The following IGSF10 variants were observed in gnomAD, a reference collection of about 807,000 sequenced individuals.
The protein encoded by IGSF10 is calvaria mechanical force protein 608.
Under a neutral mutation model 128.2 loss-of-function variants are expected in IGSF10, and 126 were observed. The observed-to-expected ratio is 0.98, with a 90% CI of 0.85 to 1.14. The LOEUF is 1.14. Among genes scored for constraint, IGSF10 ranks in the 50% most tolerant of loss-of-function variants. The pLI is 0.00. For synonymous variants in IGSF10, 1,185 were observed against 1,146.2 expected (o/e 1.03, Z -0.68); for missense variants, 3,295 against 3,149.8 (o/e 1.05, Z -1.10).
the IGSF10 span, among the ~76,000 whole-genome samples, chr3:151,518,061 G>T: frequency 6.6e-6 from 1 of 151,852 alleles, no homozygotes; most frequent in South Asian, 2.1e-4. Flanking sequence ...TGACCAAAAG[G>T]GGTAATTGTT....
the IGSF10 span, among the ~76,000 whole-genome samples, chr3:151,599,102 G>A: frequency 6.6e-6 from 1 of 152,162 alleles, no homozygotes; most frequent in Non-Finnish European, 1.5e-5. Context: ...AGGGATGAGT[G>A]CTGAGCAGTT....
the IGSF10 span, among the ~76,000 whole-genome samples, chr3:151,561,070 G>T: frequency 1.2e-4 from 18 of 152,006 alleles, no homozygotes; most frequent in African/African-American, 4.1e-4. Flanking sequence ...ATAAAATCTG[G>T]TTAGCATTTT....
chr3:151,535,317 C>T, the IGSF10 span, among the ~76,000 whole-genome samples: 4 of 152,270 alleles, frequency 2.6e-5, no homozygotes, highest in South Asian at 8.3e-4. Context: ...AGCAACATGG[C>T]TGCAGCTGGA....
At chr3:151,435,791 G>GGATT (rs1291499772), downstream of IGSF10, 2 of 151,906 alleles carry the variant, frequency 1.3e-5, no homozygotes, top group Non-Finnish European at 2.9e-5. Flanking sequence ...ATTTTGTGTA[G>GGATT]GATTGATCAG....
At chr3:151,510,473 CCAT>C in the IGSF10 span, among the ~76,000 whole-genome samples, 1 of 152,064 alleles carries the variant, frequency 6.6e-6, no homozygotes, top group Admixed American at 6.6e-5. Flanking sequence ...CTGTACGTCA[CCAT>C]CAAAGACCAA....
chr3:151,529,181 G>GA, the IGSF10 span, among the ~76,000 whole-genome samples: 1 of 152,076 alleles, frequency 6.6e-6, no homozygotes, highest in Non-Finnish European at 1.5e-5. Context: ...GGGCATCTCT[G>GA]AAAAAAGAAA....
In IGSF10 at chr3:151,447,539, C is replaced by G. The variant is rs965350081; in HGVS notation, c.2442G>C (p.Leu814Phe). 3 of 1,613,976 alleles carry G rather than the reference C, an allele frequency of 1.9e-6. No individual in the cohort carries two copies. The African/African-American group carries it at 4.0e-5, about 22-fold the overall frequency. The change falls in exon 6 of 8, where the codon TTG becomes TTC. Residue 814 changes from leucine to phenylalanine, a missense_variant. Transcript: ENST00000282466. ...CAGTCACTGTCCTTGCTGGAAGGTT[C>G]AAAGCTTTAGTGGCCGGGACCATAA... ...EEFMVPATKA[L>F]NLPARTVTAD...
the IGSF10 span, among the ~76,000 whole-genome samples, chr3:151,480,401 A>G: frequency 6.6e-6 from 1 of 152,176 alleles, no homozygotes; most frequent in Non-Finnish European, 1.5e-5. Context: ...AGCATCGTGG[A>G]CACTTTCAGT....
upstream of IGSF10, among the ~76,000 whole-genome samples, chr3:151,463,054 T>A (rs1577680805): frequency 6.6e-6 from 1 of 152,196 alleles, no homozygotes; most frequent in Admixed American, 6.5e-5. Flanking sequence ...GACAGCAACA[T>A]GTTAAACTTA....
chr3:151,450,266 A>C (rs1020588382), intron 5 of IGSF10, among the ~76,000 whole-genome samples: 1 of 152,240 alleles, frequency 6.6e-6, no homozygotes, highest in Non-Finnish European at 1.5e-5. Flanking sequence ...CTTTTCCCTT[A>C]CACAAAATAC....
At chr3:151,590,809 C>T in the IGSF10 span, among the ~76,000 whole-genome samples, 3 of 152,134 alleles carry the variant, frequency 2.0e-5, no homozygotes, top group African/African-American at 4.8e-5. Context: ...ACTGAAGTAA[C>T]GTTTTCATAT....
At chr3:151,458,309 T>C (rs947131910) in intron 3 of IGSF10, among the ~76,000 whole-genome samples, 3 of 152,178 alleles carry the variant, frequency 2.0e-5, no homozygotes, top group African/African-American at 7.2e-5. Flanking sequence ...GGACTTCAAA[T>C]TCTAGAAGAA....
the IGSF10 span, among the ~76,000 whole-genome samples, chr3:151,587,728 A>G: frequency 2.6e-5 from 4 of 152,180 alleles, no homozygotes; most frequent in Non-Finnish European, 5.9e-5. Context: ...GGAGTAACCC[A>G]GTGGGAGGTG....
chr3:151,450,668 G>A (rs1004461211), intron 5 of IGSF10, among the ~76,000 whole-genome samples: 9 of 151,916 alleles, frequency 5.9e-5, no homozygotes, highest in African/African-American at 1.9e-4. Flanking sequence ...AGGCCGAGGT[G>A]GGCGGATCAC....
rs1447796647 is a variant in IGSF10 at position 151,449,098 on chromosome 3, T to C, written c.883A>G (p.Ile295Val). ...AAAGCAGAACTACTGTCTTCCAGAA[T>C]AGTCAGGCTCTTTGATTTCAGGGAT... Reference protein sequence around the residue: ...DSSLKSKSLTILEDSSSAFIS... With the variant: ...DSSLKSKSLTVLEDSSSAFIS... Residue 295 changes from isoleucine (I) to valine (V), a missense_variant, in exon 6 of 8, where the codon ATT becomes GTT. Physicochemically the swap from Ile to Val is conservative, Grantham distance 29. Transcript: ENST00000282466. The C allele has an allele frequency of 1.9e-6, 3 of 1,614,188 alleles. No homozygotes were observed. Among genetic ancestry groups the C allele is most frequent in the East Asian group, 2.2e-5 (1 of 44,880 alleles).
intron 7 of IGSF10, among the ~76,000 whole-genome samples, chr3:151,442,601 C>G (rs912975810): frequency 2.2e-5 from 3 of 137,192 alleles, no homozygotes; most frequent in Admixed American, 8.0e-5. Flanking sequence ...GTTGGCCGAG[C>G]TGGTCCTGAA....
Position 151,436,670 on chromosome 3 carries a change from T to A in IGSF10, c.*19A>T. The A allele has an allele frequency of 1.3e-6, 2 of 1,531,780 alleles. No individual in the cohort carries two copies. The highest frequency in any genetic ancestry group is 1.8e-6 in the Non-Finnish European group (2 of 1,130,204). 94.9% of individuals were successfully genotyped at this position (1,531,780 alleles called of 1,614,324 possible). A position where few individuals can be genotyped will look rare whatever the true frequency, so the allele number is the denominator to read the frequency against. ...AAAAATAAATTCTGCCCAGATGTTG[T>A]TGACTTTATTATTTCATGTCAGATT... On this transcript the variant is annotated 3_prime_UTR_variant, in exon 8 of 8. Coordinates refer to ENST00000282466, the MANE Select transcript of IGSF10 (RefSeq NM_178822.5).
At position 151,445,142 on chromosome 3, in the gene IGSF10, C is replaced by CT; in HGVS notation, c.4838dup (p.Lys1614GlufsTer7). 2 of 1,614,196 alleles carry CT rather than the reference C, an allele frequency of 1.2e-6. No individual in the cohort carries two copies. Among genetic ancestry groups the CT allele is most frequent in the Middle Eastern group, 1.6e-4 (1 of 6,062 alleles). ...CAAAGTCACTCTTCTTTGTGTTCTT[C>CT]TGTCCATCCCAATCTGAAACAAGAG... is the stretch of plus-strand genomic sequence containing the variant. On this transcript the variant is annotated frameshift_variant, in exon 6 of 8. Transcript: ENST00000282466. LOFTEE classifies it high-confidence loss of function.
Position 151,448,884 on chromosome 3 carries a change from A to G in IGSF10, c.1097T>C (p.Ile366Thr). The G allele has an allele frequency of 6.2e-7, 1 of 1,614,242 alleles. No homozygotes were observed. The highest frequency in any genetic ancestry group is 8.5e-7 in the Non-Finnish European group (1 of 1,180,046). ...TSFSTFLVCN[I>T]DYGHIQPVWQ... is the part of the protein sequence containing the mutation. ...CACTGGCTGAATGTGACCGTAATCT[A>G]TGTTGCACACCAAAAATGTTGAAAA... is the stretch of plus-strand genomic sequence containing the variant. The change falls in exon 6 of 8, where the codon ATA becomes ACA. Residue 366 changes from isoleucine (I) to threonine (T), a missense_variant. Ile to Thr is a moderately conservative substitution (Grantham distance 89). Coordinates refer to ENST00000282466, the MANE Select transcript of IGSF10 (RefSeq NM_178822.5).
Sources: allele counts gnomAD v4.1 joint callset (sites outside exome capture counted in the v4.1 genomes callset), GRCh38; gene constraint gnomAD v4.1.1; transcripts MANE v1.5; gene names NCBI Gene and HGNC (gene_info 2026-07-23, HGNC 2026-07-21).